Variants in SPMAP2L observed in about 807,000 individuals in gnomAD.
The protein encoded by SPMAP2L is sperm microtubule associated protein 2 like, also known as sperm microtubule associated protein 2-like.
the SPMAP2L span, among the ~76,000 whole-genome samples, chr4:56,543,809 T>G: frequency 2.8e-4 from 43 of 152,134 alleles, no homozygotes; most frequent in Non-Finnish European, 5.3e-4. Context: ...TTCTTATTCC[T>G]TTCCTTCGCT....
chr4:56,567,314 TG>T, the SPMAP2L span, among the ~76,000 whole-genome samples: 1 of 151,866 alleles, frequency 6.6e-6, no homozygotes, highest in African/African-American at 2.4e-5. Flanking sequence ...TCACCCAGGC[TG>T]GAGTACAGTG....
chr4:56,581,731 A>G, the SPMAP2L span, among the ~76,000 whole-genome samples: 2 of 152,236 alleles, frequency 1.3e-5, no homozygotes, highest in Non-Finnish European at 2.9e-5. Flanking sequence ...ACATTCTTGA[A>G]TAAGAACAAA....
the SPMAP2L span, chr4:56,601,241 G>T: frequency 1.1e-6 from 1 of 926,568 alleles, no homozygotes; most frequent in South Asian, 1.8e-5. Flanking sequence ...CTTACTTAAC[G>T]AATTACATTT....
chr4:56,612,819 G>A, the SPMAP2L span, among the ~76,000 whole-genome samples: 2 of 151,526 alleles, frequency 1.3e-5, no homozygotes, highest in Non-Finnish European at 2.9e-5. Flanking sequence ...TGCCCACCTC[G>A]GCCTCCCAAA....
the SPMAP2L span, among the ~76,000 whole-genome samples, chr4:56,535,899 G>A: frequency 6.6e-6 from 1 of 152,204 alleles, no homozygotes; most frequent in East Asian, 1.9e-4. Context: ...TTTCGTGGAA[G>A]ACAGTTTTTT....
the SPMAP2L span, chr4:56,601,081 A>G: frequency 2.1e-5 from 33 of 1,535,080 alleles, no homozygotes; most frequent in African/African-American, 2.7e-5. Flanking sequence ...ATCACCTAGG[A>G]TTCAGGAACT....
the SPMAP2L span, chr4:56,531,208 C>G: frequency 3.2e-5 from 48 of 1,489,660 alleles, no homozygotes; most frequent in African/African-American, 5.7e-4. Context: ...TCCTGCTTCT[C>G]CCTTCCCCTC....
chr4:56,549,926 C>T, the SPMAP2L span, among the ~76,000 whole-genome samples: 7 of 152,030 alleles, frequency 4.6e-5, no homozygotes, highest in African/African-American at 1.7e-4. Flanking sequence ...AGTTCTAGTA[C>T]CAAGCATTTT....
chr4:56,571,021 CT>C, the SPMAP2L span, among the ~76,000 whole-genome samples: 1 of 151,908 alleles, frequency 6.6e-6, no homozygotes, highest in Non-Finnish European at 1.5e-5. Context: ...CCAGGCTGGT[CT>C]GGAACTCCTG....
chr4:56,623,503 C>T, the SPMAP2L span, among the ~76,000 whole-genome samples: 1 of 152,134 alleles, frequency 6.6e-6, no homozygotes. Context: ...GAAAGAAATC[C>T]ACATTTCAAA....
At chr4:56,582,240 C>T in the SPMAP2L span, among the ~76,000 whole-genome samples, 1 of 152,044 alleles carries the variant, frequency 6.6e-6, no homozygotes, top group Non-Finnish European at 1.5e-5. Context: ...TTAAAGGACA[C>T]TACCAAGAGA....
At chr4:56,572,203 T>C in the SPMAP2L span, among the ~76,000 whole-genome samples, 1 of 152,238 alleles carries the variant, frequency 6.6e-6, no homozygotes, top group Non-Finnish European at 1.5e-5. Flanking sequence ...TTAAAAAAAG[T>C]ATTATGTACT....
chr4:56,530,635 C>A, the SPMAP2L span: 1 of 1,515,006 alleles, frequency 6.6e-7, no homozygotes, highest in South Asian at 1.2e-5. Flanking sequence ...GGCAACCAGT[C>A]GGGAGGGTGA....
the SPMAP2L span, among the ~76,000 whole-genome samples, chr4:56,540,561 T>TA: frequency 9.1e-4 from 134 of 146,718 alleles, no homozygotes; most frequent in African/African-American, 3.3e-3. Context: ...ACAAAAGCCA[T>TA]ATAATACCTT....
chr4:56,532,905 C>A, the SPMAP2L span, among the ~76,000 whole-genome samples: 1 of 152,224 alleles, frequency 6.6e-6, no homozygotes, highest in Non-Finnish European at 1.5e-5. Flanking sequence ...CAGACTATTT[C>A]AAGCACTCTA....
At chr4:56,609,038 C>G in the SPMAP2L span, among the ~76,000 whole-genome samples, 1 of 141,890 alleles carries the variant, frequency 7.0e-6, no homozygotes, top group Non-Finnish European at 1.5e-5. Flanking sequence ...GTCTTTTTTT[C>G]TTTCTTTCTT....
the SPMAP2L span, among the ~76,000 whole-genome samples, chr4:56,571,919 C>T: frequency 6.6e-6 from 1 of 152,116 alleles, no homozygotes; most frequent in African/African-American, 2.4e-5. Context: ...CTTCCACCTC[C>T]ACATCTTGTC....
chr4:56,600,777 T>C, the SPMAP2L span, among the ~76,000 whole-genome samples: 1 of 152,214 alleles, frequency 6.6e-6, no homozygotes, highest in East Asian at 1.9e-4. Flanking sequence ...GAAGGCTGCA[T>C]TGTACAGGAG....
chr4:56,598,924 T>G, the SPMAP2L span, among the ~76,000 whole-genome samples: 1 of 152,028 alleles, frequency 6.6e-6, no homozygotes, highest in African/African-American at 2.4e-5. Context: ...TCTCATGAGA[T>G]CTGATGGTTT....
Sources: gnomAD v4.1 joint callset for allele counts (sites outside exome capture counted in the v4.1 genomes callset) on GRCh38, gnomAD v4.1.1 for gene constraint, MANE v1.5 for transcripts, NCBI Gene and HGNC (gene_info 2026-07-23, HGNC 2026-07-21) for gene names.